Variants in PHACTR4 observed in about 807,000 individuals in gnomAD.
PHACTR4 encodes protein phosphatase 1, regulatory subunit 124.
PHACTR4 carries 51 observed loss-of-function variants against 72.7 expected under a neutral mutation model. That is an observed-to-expected ratio of 0.70 (90% confidence interval 0.56 to 0.89). The LOEUF is 0.89. Among genes scored for constraint, PHACTR4 ranks in the 40% least tolerant of loss-of-function variants. The pLI is 0.00. For missense variants in PHACTR4, 731 were observed against 861.8 expected, an observed-to-expected ratio of 0.85 and a Z score of 1.90; for synonymous variants, 255 against 302.5, an observed-to-expected ratio of 0.84 and a Z score of 1.63.
intron 1 of PHACTR4, among the ~76,000 whole-genome samples, chr1:28,396,882 G>A (rs1569818022): frequency 1.4e-5 from 2 of 142,000 alleles, no homozygotes; most frequent in South Asian, 2.2e-4. Context: ...TAGTAGAGAC[G>A]GGGTTTCACC....
At chr1:28,398,712 G>A (rs1008740918) in intron 1 of PHACTR4, among the ~76,000 whole-genome samples, 2 of 151,698 alleles carry the variant, frequency 1.3e-5, no homozygotes, top group African/African-American at 4.8e-5. Flanking sequence ...CCAGCTACTT[G>A]GGAGGCTGAG....
At chr1:28,477,279 C>T (rs542855757) in intron 8 of PHACTR4, among the ~76,000 whole-genome samples, 36 of 151,504 alleles carry the variant, frequency 2.4e-4, no homozygotes, top group African/African-American at 6.5e-4. Flanking sequence ...GTAGAGGCGG[C>T]GCTTCACTGT....
chr1:28,427,457 C>T (rs904455415), intron 2 of PHACTR4, among the ~76,000 whole-genome samples: 11 of 151,994 alleles, frequency 7.2e-5, no homozygotes, highest in Admixed American at 1.3e-4. Context: ...ACTCGGGAGG[C>T]GGACGTTGCA....
intron 2 of PHACTR4, chr1:28,453,763 AAG>A: frequency 9.6e-7 from 1 of 1,038,284 alleles, no homozygotes; most frequent in South Asian, 1.3e-5. Context: ...AAATTAAAAA[AAG>A]AGGTTTCAGC....
At chr1:28,489,940 C>T in intron 10 of PHACTR4, 1 of 514,508 alleles carries the variant, frequency 1.9e-6, no homozygotes, top group Admixed American at 2.0e-5. Context: ...TGTGGGAGCC[C>T]TTATAACGTA....
Position 28,466,735 on chromosome 1 carries a change from A to G in PHACTR4, c.790A>G (p.Lys264Glu). ...PAKQPPIPPP[K>E]PAHRNSNPVI... is the part of the protein sequence containing the mutation. ...CAAGCAGCCCCCTATCCCTCCCCCT[A>G]AACCAGCTCACAGAAATAGCAACCC... is the stretch of plus-strand genomic sequence containing the variant. Residue 264 changes from lysine to glutamate, a missense_variant, in exon 6 of 14, where the codon AAA becomes GAA. This residue lies in a region of PHACTR4 where 621 missense variants were observed against 676.6 expected (regional missense o/e 0.92). Transcript: ENST00000373839. The G allele has an allele frequency of 6.2e-7, 1 of 1,612,636 alleles. No individual in the cohort carries two copies. The highest frequency in any genetic ancestry group is 8.5e-7 in the Non-Finnish European group (1 of 1,179,210).
chr1:28,473,796 C>T lies in PHACTR4; in HGVS notation c.1066C>T (p.Pro356Ser). ...GCCTACTCATATACCTCCAGAGCCT[C>T]CACGCACCCCTCCATTCCCTGCTAA... ...PLPTHIPPEPPRTPPFPAKTF... is the reference protein window; with the variant it reads ...PLPTHIPPEPSRTPPFPAKTF... Residue 356 changes from proline to serine, a missense_variant, in exon 7 of 14, where the codon CCA becomes TCA. Coordinates refer to ENST00000373839, the MANE Select transcript of PHACTR4 (RefSeq NM_001048183.3). 1 of 1,614,104 alleles carries T rather than the reference C, an allele frequency of 6.2e-7. No homozygotes were observed. The highest frequency in any genetic ancestry group is 8.5e-7 in the Non-Finnish European group (1 of 1,180,028).
rs746642128 is a variant in PHACTR4 at position 28,444,214 on chromosome 1, C to CTTTTTTTTT, written c.17-14849_17-14841dup. ...TGAGCATTTAAAAAAATATATTTGG[C>CTTTTTTTTT]TTTTTTTTTTTTTTTTTTTTTTTTT... On this transcript the variant is annotated intron_variant, in intron 2 of 13. Coordinates refer to ENST00000373839, the MANE Select transcript of PHACTR4 (RefSeq NM_001048183.3). Among the ~76,000 whole-genome samples the CTTTTTTTTT allele has an allele frequency of 1.7e-4, 7 of 41,086 alleles. 1 individual carries two copies. The highest frequency in any genetic ancestry group is 3.4e-4 in the Non-Finnish European group (7 of 20,338). The allele number at this position is 41,086 out of a possible 152,430, so 27.0% of individuals were successfully genotyped here.
At chr1:28,413,491 C>T (rs1654910708) in intron 2 of PHACTR4, among the ~76,000 whole-genome samples, 1 of 152,112 alleles carries the variant, frequency 6.6e-6, no homozygotes, top group Non-Finnish European at 1.5e-5. Context: ...GTCTTGGTTG[C>T]CAGTAGCTTT....
intron 9 of PHACTR4, among the ~76,000 whole-genome samples, chr1:28,485,551 T>A (rs1385975751): frequency 1.3e-5 from 2 of 150,380 alleles, no homozygotes; most frequent in African/African-American, 4.9e-5. Context: ...CCCGTGCCAC[T>A]GCACTCCAGC....
At chr1:28,410,576 G>A (rs987474024) in intron 2 of PHACTR4, among the ~76,000 whole-genome samples, 6 of 152,084 alleles carry the variant, frequency 3.9e-5, no homozygotes, top group East Asian at 1.9e-4. Flanking sequence ...GAGTATCAAC[G>A]TGAGAGTTGC....
At chr1:28,383,018 C>T (rs1652304316) in intron 1 of PHACTR4, among the ~76,000 whole-genome samples, 1 of 152,104 alleles carries the variant, frequency 6.6e-6, no homozygotes, top group East Asian at 1.9e-4. Flanking sequence ...GTCTCGAACT[C>T]CTGACCTCAA....
At chr1:28,425,725 TCTCA>T (rs1291389211) in intron 2 of PHACTR4, among the ~76,000 whole-genome samples, 32 of 152,338 alleles carry the variant, frequency 2.1e-4, no homozygotes, top group African/African-American at 7.7e-4. Context: ...CAGGTTTCTT[TCTCA>T]CTCACTTAAA....
chr1:28,488,871 T>A (rs1438654765), intron 9 of PHACTR4, among the ~76,000 whole-genome samples: 1 of 152,190 alleles, frequency 6.6e-6, no homozygotes, highest in Non-Finnish European at 1.5e-5. Flanking sequence ...GCTTCACGGA[T>A]GAGGACACTC....
chr1:28,457,872 G>A (rs556981676), intron 2 of PHACTR4: 69 of 984,330 alleles, frequency 7.0e-5, no homozygotes, highest in Non-Finnish European at 8.2e-5. Context: ...GGAGTGCAAA[G>A]CTGCATTGTG....
chr1:28,374,028 C>T (rs569570993), intron 1 of PHACTR4, among the ~76,000 whole-genome samples: 14 of 152,246 alleles, frequency 9.2e-5, no homozygotes, highest in Non-Finnish European at 1.8e-4. Flanking sequence ...CCAATTAAGG[C>T]AAATTGATTT....
chr1:28,378,567 CAGCCCCCCCCCCCTT>C (rs897020029), intron 1 of PHACTR4, among the ~76,000 whole-genome samples: 5 of 123,394 alleles, frequency 4.1e-5, no homozygotes, highest in African/African-American at 1.5e-4. Context: ...TTTCTCCCCC[CAGCCCCCCCCCCCTT>C]TTTTTTTAAC....
chr1:28,370,853 G>C (rs1651189438), intron 1 of PHACTR4, among the ~76,000 whole-genome samples: 2 of 152,106 alleles, frequency 1.3e-5, no homozygotes, highest in Non-Finnish European at 2.9e-5. Context: ...TATTCTGGAG[G>C]CTGAGGCAGG....
chr1:28,398,680 G>A (rs898819891), intron 1 of PHACTR4, among the ~76,000 whole-genome samples: 4 of 151,712 alleles, frequency 2.6e-5, no homozygotes, highest in South Asian at 4.2e-4. Flanking sequence ...TTAGCCGGGC[G>A]TGGGGGCACA....
Sources: allele counts gnomAD v4.1 joint callset (sites outside exome capture counted in the v4.1 genomes callset), GRCh38; gene constraint gnomAD v4.1.1; regional missense constraint gnomAD v4.1.1; transcripts MANE v1.5; gene names NCBI Gene and HGNC (gene_info 2026-07-23, HGNC 2026-07-21).